Variants in IMMP2L observed in about 807,000 individuals in gnomAD.
IMMP2L encodes the protein mitochondrial inner membrane protease subunit 2.
IMMP2L carries 18 observed loss-of-function variants against 19.3 expected under a neutral mutation model. That is an observed-to-expected ratio of 0.93 (90% CI 0.64 to 1.38). IMMP2L has a LOEUF of 1.38. Among genes scored for constraint, IMMP2L ranks in the 40% most tolerant of loss-of-function variants. The pLI, the probability that IMMP2L is intolerant of heterozygous loss-of-function variation, is 0.00. For missense variants in IMMP2L, 233 were observed against 218.2 expected, an observed-to-expected ratio of 1.07 and a Z score of -0.43; for synonymous variants, 76 against 73.0, an observed-to-expected ratio of 1.04 and a Z score of -0.21.
At chr7:111,287,204 C>A (rs1299360368) in intron 3 of IMMP2L, among the ~76,000 whole-genome samples, 14 of 152,140 alleles carry the variant, frequency 9.2e-5, no homozygotes, top group Non-Finnish European at 2.9e-5. Flanking sequence ...TAAGAAACAA[C>A]CTTACTTTTC....
intron 5 of IMMP2L, among the ~76,000 whole-genome samples, chr7:110,754,905 AT>A (rs112977198): frequency 0.07 from 10,401 of 149,484 alleles, 419 homozygotes; most frequent in African/African-American, 0.1. Flanking sequence ...AGCACGTTCT[AT>A]TTTTTTTTTC....
chr7:111,148,914 T>C (rs907980778), intron 3 of IMMP2L, among the ~76,000 whole-genome samples: 1 of 152,104 alleles, frequency 6.6e-6, no homozygotes, highest in Non-Finnish European at 1.5e-5. Flanking sequence ...TCTATGAGGT[T>C]GGGACTATCA....
chr7:110,669,167 G>A (rs1791715520), intron 5 of IMMP2L, among the ~76,000 whole-genome samples: 1 of 151,548 alleles, frequency 6.6e-6, no homozygotes, highest in Non-Finnish European at 1.5e-5. Context: ...TGTGATTATG[G>A]AGGCTTGGCA....
At chr7:111,517,953 T>C (rs574298547) in intron 2 of IMMP2L, among the ~76,000 whole-genome samples, 1 of 152,268 alleles carries the variant, frequency 6.6e-6, no homozygotes, top group Non-Finnish European at 1.5e-5. Flanking sequence ...ATGAAATGAA[T>C]GCAGCTATAC....
intron 3 of IMMP2L, among the ~76,000 whole-genome samples, chr7:111,137,284 T>G (rs974592631): frequency 6.6e-6 from 1 of 152,166 alleles, no homozygotes; most frequent in African/African-American, 2.4e-5. Context: ...TTTATAATAA[T>G]AAGCATGCTG....
chr7:110,683,416 T>C (rs1246841080), intron 5 of IMMP2L, among the ~76,000 whole-genome samples: 3 of 152,156 alleles, frequency 2.0e-5, no homozygotes, highest in Non-Finnish European at 4.4e-5. Context: ...AAAAAACTTT[T>C]GTTTAGTGAA....
intron 5 of IMMP2L, among the ~76,000 whole-genome samples, chr7:110,752,855 T>C (rs6466358): frequency 0.96 from 146,251 of 152,130 alleles, 70,315 homozygotes; most frequent in East Asian, 0.98. Context: ...CACAGATTAT[T>C]GAATATTACA....
chr7:111,189,625 G>C (rs997505640), intron 3 of IMMP2L, among the ~76,000 whole-genome samples: 5 of 151,940 alleles, frequency 3.3e-5, no homozygotes, highest in African/African-American at 9.7e-5. Flanking sequence ...AAGAAACTAT[G>C]GCATTCTTCA....
intron 3 of IMMP2L, among the ~76,000 whole-genome samples, chr7:111,038,341 C>T (rs757313166): frequency 6.6e-6 from 1 of 152,076 alleles, no homozygotes; most frequent in Non-Finnish European, 1.5e-5. Flanking sequence ...AAGGAGTAAG[C>T]CCACAGCACT....
At chr7:111,020,709 C>T (rs1356392390) in intron 3 of IMMP2L, among the ~76,000 whole-genome samples, 2 of 152,042 alleles carry the variant, frequency 1.3e-5, no homozygotes, top group African/African-American at 4.8e-5. Flanking sequence ...TTGTAGTGAG[C>T]TGAGATGGCA....
At chr7:111,030,310 C>T (rs1827275634) in intron 3 of IMMP2L, among the ~76,000 whole-genome samples, 2 of 152,058 alleles carry the variant, frequency 1.3e-5, no homozygotes, top group Admixed American at 1.3e-4. Context: ...GTGCTAAAAA[C>T]TGATGCTACT....
intron 3 of IMMP2L, among the ~76,000 whole-genome samples, chr7:111,331,617 C>T (rs1825885715): frequency 6.6e-6 from 1 of 151,852 alleles, no homozygotes; most frequent in Non-Finnish European, 1.5e-5. Flanking sequence ...TGTTAACTAA[C>T]TTGATTTAAT....
rs1791195098 is a variant in IMMP2L, at chr7:110,663,126, A to G, written c.*476T>C. 1 of 163,310 alleles carries G rather than the reference A, an allele frequency of 6.1e-6. No homozygotes were observed. The highest frequency in any genetic ancestry group is 1.3e-5 in the Non-Finnish European group (1 of 74,986). 10.1% of individuals were successfully genotyped at this position (163,310 alleles called of 1,614,324 possible). A position where few individuals can be genotyped will look rare whatever the true frequency, so the allele number is the denominator to read the frequency against. ...TGGCAGTTACTCCTTTGTAGATAGT[A>G]CAAATCACAATGTAATTCCCATCAT... On this transcript the variant is annotated 3_prime_UTR_variant, in exon 6 of 6. Coordinates refer to ENST00000405709, the MANE Select transcript of IMMP2L (RefSeq NM_032549.4).
At chr7:110,739,363 C>T (rs1374583856) in intron 5 of IMMP2L, among the ~76,000 whole-genome samples, 7 of 151,812 alleles carry the variant, frequency 4.6e-5, no homozygotes, top group African/African-American at 1.7e-4. Context: ...GGTAAAGGGG[C>T]GGAAAAAGAC....
intron 3 of IMMP2L, among the ~76,000 whole-genome samples, chr7:111,232,236 C>G (rs1434937347): frequency 1.3e-5 from 2 of 151,830 alleles, no homozygotes; most frequent in African/African-American, 2.4e-5. Context: ...AATATTCTCC[C>G]AGAAGCAGCT....
At chr7:111,358,944 A>G (rs1391149459) in intron 3 of IMMP2L, among the ~76,000 whole-genome samples, 1 of 152,190 alleles carries the variant, frequency 6.6e-6, no homozygotes, top group East Asian at 1.9e-4. Context: ...TGTGCAGATT[A>G]GTGTACTCAA....
At chr7:111,055,235 C>T (rs1793398806) in intron 3 of IMMP2L, among the ~76,000 whole-genome samples, 1 of 151,996 alleles carries the variant, frequency 6.6e-6, no homozygotes, top group East Asian at 1.9e-4. Flanking sequence ...CACAGAGTCC[C>T]GCAACGTTCA....
intron 3 of IMMP2L, among the ~76,000 whole-genome samples, chr7:111,304,889 C>CA (rs1332175899): frequency 6.6e-6 from 1 of 151,770 alleles, no homozygotes; most frequent in Non-Finnish European, 1.5e-5. Context: ...CCAACACATT[C>CA]AAAAAAATTG....
At chr7:111,371,001 A>G (rs1161122126) in intron 3 of IMMP2L, among the ~76,000 whole-genome samples, 1 of 151,876 alleles carries the variant, frequency 6.6e-6, no homozygotes, top group African/African-American at 2.4e-5. Flanking sequence ...TTGAAAACTG[A>G]TTTATTATTC....
Sources: allele counts gnomAD v4.1 joint callset (sites outside exome capture counted in the v4.1 genomes callset), GRCh38; gene constraint gnomAD v4.1.1; transcripts MANE v1.5; gene names NCBI Gene and HGNC (gene_info 2026-07-23, HGNC 2026-07-21).